Variants in TGIF2 observed in about 807,000 individuals in gnomAD.
TGIF2 encodes TGFB induced factor homeobox 2.
In TGIF2, 5 loss-of-function variants were observed where a neutral mutation model predicts 15.1. That is an observed-to-expected ratio of 0.33 (90% CI 0.17 to 0.70). The LOEUF (loss-of-function observed/expected upper bound fraction) is 0.70, where lower values mean the gene tolerates loss of function less well. Ranked by LOEUF, TGIF2 falls within the 30% of genes least tolerant of loss-of-function variation. TGIF2 has a pLI of 0.67. For missense variants in TGIF2, 264 were observed against 302.5 expected, an observed-to-expected ratio of 0.87 and a Z score of 0.94; for synonymous variants, 131 against 128.9, an observed-to-expected ratio of 1.02 and a Z score of -0.11.
intron 1 of TGIF2, among the ~76,000 whole-genome samples, chr20:36,576,765 GTGTGA>G (rs1406448088): frequency 6.6e-6 from 1 of 152,214 alleles, no homozygotes; most frequent in Non-Finnish European, 1.5e-5. Flanking sequence ...GAGGGCAGTA[GTGTGA>G]TCTCATCTCA....
rs1308548203 is a variant in TGIF2 at position 36,590,122 on chromosome 20, A to AT, written c.193-781dup. On this transcript the variant is annotated intron_variant, in intron 2 of 2. Transcript: ENST00000373872. Reference sequence around the variant, plus strand: ...AGGGCACATGCCATCACAACAGCTGATTTTTTTGTATTTTTGTAGAGATGT... The same window carrying AT: ...AGGGCACATGCCATCACAACAGCTGATTTTTTTTGTATTTTTGTAGAGATGT... Among the ~76,000 whole-genome samples, 54 of 151,948 alleles carry AT rather than the reference A, an allele frequency of 3.6e-4. 1 individual carries two copies. Among genetic ancestry groups the AT allele is most frequent in the Non-Finnish European group, 6.8e-4 (46 of 67,932 alleles).
intron 2 of TGIF2, among the ~76,000 whole-genome samples, chr20:36,583,870 C>T (rs556055031): frequency 4.6e-5 from 7 of 152,076 alleles, no homozygotes; most frequent in Non-Finnish European, 7.4e-5. Flanking sequence ...GCACTCCAGC[C>T]GGGGCAACAG....
chr20:36,578,900 C>T lies in TGIF2; in HGVS notation c.126C>T (p.Tyr42=). ...ILRDWLYLHR[Y]NAYPSEQEKL... ...GGGACTGGCTGTACTTGCACCGCTA[C>T]AACGCCTACCCCTCAGAGCAGGAGA... The change falls in exon 2 of 3, where the codon TAC becomes TAT. Residue 42 remains tyrosine (Y), a synonymous_variant. Transcript: ENST00000373872. 6.2e-7 allele frequency: 1 copy of T among 1,614,192 alleles called. No individual in the cohort carries two copies. The highest frequency in any genetic ancestry group is 8.5e-7 in the Non-Finnish European group (1 of 1,180,030).
intron 1 of TGIF2, chr20:36,574,451 G>C (rs946102019): frequency 2.0e-5 from 3 of 148,746 alleles, no homozygotes; most frequent in African/African-American, 4.9e-5. Flanking sequence ...GGGGGGGGGG[G>C]GCGGCGCGGA....
rs556996550 is a variant in TGIF2 at position 36,580,881 on chromosome 20, T to C, written c.192+1915T>C. Among the ~76,000 whole-genome samples the C allele has an allele frequency of 4.0e-5, 6 of 150,396 alleles. No homozygotes were observed. The South Asian group carries it at 1.3e-3, about 32-fold the overall frequency. Reference sequence around the variant, plus strand: ...GGCTCACACTTGTAATCCCAGCACTTTGGGAGGCCAAGGCGGGTGGATCAC... The same window carrying C: ...GGCTCACACTTGTAATCCCAGCACTCTGGGAGGCCAAGGCGGGTGGATCAC... On this transcript the variant is annotated intron_variant, in intron 2 of 2. Coordinates refer to ENST00000373872, the MANE Select transcript of TGIF2 (RefSeq NM_021809.7).
At position 36,588,823 on chromosome 20, in the gene TGIF2, C is replaced by T. The variant is rs1006431726; in HGVS notation, c.193-2087C>T. Among the ~76,000 whole-genome samples, 3 of 152,176 alleles carry T rather than the reference C, an allele frequency of 2.0e-5. No individual in the cohort carries two copies. The East Asian group carries it at 5.8e-4, about 29-fold the overall frequency. On this transcript the variant is annotated intron_variant, in intron 2 of 2. Coordinates refer to ENST00000373872, the MANE Select transcript of TGIF2 (RefSeq NM_021809.7). The stretch of plus-strand genomic sequence containing the variant: ...AGCTAGGTTAGGAGAAAAGACAGGA[C>T]CAGAAGAAGGACCTAGAGTGTGAAA...
Position 36,578,845 on chromosome 20 carries a change from A to C in TGIF2, c.71A>C (p.Asn24Thr). The part of the protein sequence containing the change: ...SLAGKRKRRG[N>T]LPKESVKILR... The stretch of plus-strand genomic sequence containing the variant: ...GCGGGCAAAAGGAAGCGCAGGGGGA[A>C]CCTGCCCAAGGAGTCGGTGAAGATC... The change falls in exon 2 of 3, where the codon AAC becomes ACC. Residue 24 changes from asparagine (N) to threonine (T), a missense_variant. By Grantham distance (65) the Asn-to-Thr change is moderately conservative. Transcript: ENST00000373872. 1.9e-6 allele frequency: 3 copies of C among 1,614,154 alleles called. No homozygotes were observed.
chr20:36,582,199 T>C (rs893075618), intron 2 of TGIF2, among the ~76,000 whole-genome samples: 6 of 152,064 alleles, frequency 3.9e-5, no homozygotes, highest in African/African-American at 1.4e-4. Flanking sequence ...ATCATGCCAT[T>C]ACACTCCACC....
chr20:36,574,345 C>T (rs1279456871), intron 1 of TGIF2, among the ~76,000 whole-genome samples: 2 of 150,704 alleles, frequency 1.3e-5, no homozygotes, highest in Non-Finnish European at 3.0e-5. Context: ...GCGCCGGGAC[C>T]CTCGGGCAGG....
At chr20:36,585,390 G>T (rs764918602) in intron 2 of TGIF2, among the ~76,000 whole-genome samples, 1 of 150,432 alleles carries the variant, frequency 6.6e-6, no homozygotes, top group Non-Finnish European at 1.5e-5. Flanking sequence ...TTGAACCCGG[G>T]GGTGGTGGAG....
In TGIF2 at chr20:36,591,968, G is replaced by GTAGT. The variant is rs1367205104; in HGVS notation, c.*541_*544dup. 4 of 154,244 alleles carry GTAGT rather than the reference G, an allele frequency of 2.6e-5. No homozygotes were observed. Among genetic ancestry groups the GTAGT allele is most frequent in the Non-Finnish European group, 5.8e-5 (4 of 69,142 alleles). The allele number at this position is 154,244 out of a possible 1,614,324, so 9.6% of individuals were successfully genotyped here. On this transcript the variant is annotated 3_prime_UTR_variant, in exon 3 of 3. Coordinates refer to ENST00000373872, the MANE Select transcript of TGIF2 (RefSeq NM_021809.7). The surrounding 1 kb of genome is among the most constrained non-coding windows in gnomAD (Gnocchi z 5.3). ...TTTGCTGTGGTTTGCATTCACGGCA[G>GTAGT]TAGTTAGCCCAGGTGTGGGGAACGA...
intron 2 of TGIF2, among the ~76,000 whole-genome samples, chr20:36,585,863 A>T (rs769988418): frequency 6.6e-6 from 1 of 151,962 alleles, no homozygotes; most frequent in Non-Finnish European, 1.5e-5. Flanking sequence ...CAGGCCCGGG[A>T]CTCTGTGCTG....
At position 36,592,187 on chromosome 20, in the gene TGIF2, C is replaced by T. The variant is rs890812086; in HGVS notation, c.*756C>T. Reference sequence around the variant, plus strand: ...GGCAGGGAAAAAAAAAAAAAACAACCGTATGAGCGCATTGGCTTGTCTGCC... The same window carrying T: ...GGCAGGGAAAAAAAAAAAAAACAACTGTATGAGCGCATTGGCTTGTCTGCC... On this transcript the variant is annotated 3_prime_UTR_variant, in exon 3 of 3. Transcript: ENST00000373872. 3 of 151,886 alleles carry T rather than the reference C, an allele frequency of 2.0e-5. No homozygotes were observed. Among genetic ancestry groups the T allele is most frequent in the South Asian group, 2.1e-4 (1 of 4,818 alleles). The allele number at this position is 151,886 out of a possible 1,614,324, so 9.4% of individuals were successfully genotyped here. A position where few individuals can be genotyped will look rare whatever the true frequency, so the allele number is the denominator to read the frequency against.
At chr20:36,589,372 A>T (rs1267029578) in intron 2 of TGIF2, among the ~76,000 whole-genome samples, 2 of 151,936 alleles carry the variant, frequency 1.3e-5, no homozygotes, top group Non-Finnish European at 2.9e-5. Context: ...GAGCAGCAGG[A>T]AGGTGAGAAG....
intron 1 of TGIF2, among the ~76,000 whole-genome samples, chr20:36,576,202 CTTCA>C (rs2038426621): frequency 6.6e-6 from 1 of 152,104 alleles, no homozygotes; most frequent in African/African-American, 2.4e-5. Context: ...AAAATCCTTC[CTTCA>C]TTTGACAGGT....
intron 2 of TGIF2, among the ~76,000 whole-genome samples, chr20:36,582,263 T>C (rs2038562149): frequency 6.6e-6 from 1 of 152,024 alleles, no homozygotes; most frequent in African/African-American, 2.4e-5. Flanking sequence ...AAGAAAACAT[T>C]TTTCATGGAC....
intron 2 of TGIF2, among the ~76,000 whole-genome samples, chr20:36,586,564 G>A (rs1233477185): frequency 6.6e-6 from 1 of 152,078 alleles, no homozygotes; most frequent in Non-Finnish European, 1.5e-5. Context: ...GCATGTTGTC[G>A]TGTGCCTGTA....
intron 2 of TGIF2, among the ~76,000 whole-genome samples, chr20:36,583,560 A>T (rs551445227): frequency 6.6e-6 from 1 of 152,154 alleles, no homozygotes; most frequent in South Asian, 2.1e-4. Context: ...AAGGAGTTGG[A>T]GACCTACCTG....
rs764215917 is a variant in TGIF2, at chr20:36,592,169, A to G, written c.*738A>G. The G allele has an allele frequency of 3.8e-5, 5 of 132,938 alleles. No individual in the cohort carries two copies. The highest frequency in any genetic ancestry group is 2.3e-4 in the South Asian group (1 of 4,406). The allele number at this position is 132,938 out of a possible 1,614,324, so 8.2% of individuals were successfully genotyped here. A position where few individuals can be genotyped will look rare whatever the true frequency, so the allele number is the denominator to read the frequency against. ...TTGGTTTACCAAAAAAAAGGCAGGG[A>G]AAAAAAAAAAAAACAACCGTATGAG... is the stretch of plus-strand genomic sequence containing the variant. On this transcript the variant is annotated 3_prime_UTR_variant, in exon 3 of 3. Coordinates refer to ENST00000373872, the MANE Select transcript of TGIF2 (RefSeq NM_021809.7).
Sources: allele counts gnomAD v4.1 joint callset (sites outside exome capture counted in the v4.1 genomes callset), GRCh38; gene constraint gnomAD v4.1.1; non-coding constraint Gnocchi (gnomAD v3.1); transcripts MANE v1.5; gene names NCBI Gene and HGNC (gene_info 2026-07-23, HGNC 2026-07-21).